The following NQO1 variants were observed in gnomAD, a reference collection of about 807,000 sequenced individuals.
NQO1 encodes NAD(P)H dehydrogenase [quinone] 1.
In NQO1, 30 loss-of-function variants were observed where a neutral mutation model predicts 32.1. That is an observed-to-expected ratio of 0.94 (90% CI 0.70 to 1.27). NQO1 has a LOEUF of 1.27. Ranked by LOEUF, NQO1 falls within the 50% of genes most tolerant of loss-of-function variation. NQO1 has a pLI of 0.00. For synonymous variants in NQO1, 109 were observed against 119.7 expected (o/e 0.91, Z 0.59); for missense variants, 276 against 331.3 (o/e 0.83, Z 1.30).
intron 5 of NQO1, 59 bp downstream of exon 5, chr16:69,712,969 G>T: frequency 7.1e-7 from 1 of 1,400,060 alleles, no homozygotes; most frequent in Non-Finnish European, 1.0e-6. Context: ...CTCCAGCCTA[G>T]ATGACAGAGT....
intron 1 of NQO1, among the ~76,000 whole-genome samples, chr16:69,720,919 T>G (rs2038180655): frequency 6.6e-6 from 1 of 152,180 alleles, no homozygotes; most frequent in South Asian, 2.1e-4. Flanking sequence ...CTCGATCTGT[T>G]GCCCAGGCTG....
Position 69,709,858 on chromosome 16 carries a change from G to A in NQO1, c.*1118C>T, listed in dbSNP as rs1291998796. The A allele has an allele frequency of 1.2e-4, 48 of 398,474 alleles. No homozygotes were observed. Among genetic ancestry groups the A allele is most frequent in the Middle Eastern group, 6.2e-4 (1 of 1,610 alleles). 24.7% of individuals were successfully genotyped at this position (398,474 alleles called of 1,614,324 possible). ...TCATGGGACTGGACCCCATCCCATA[G>A]TAAGTCATCAGTTTAGCAATGATAA... On this transcript the variant is annotated 3_prime_UTR_variant, in exon 6 of 6. Coordinates refer to ENST00000320623, the MANE Select transcript of NQO1 (RefSeq NM_000903.3).
At chr16:69,716,497 C>CAAAT (rs1296753004) in intron 3 of NQO1, among the ~76,000 whole-genome samples, 5 of 151,122 alleles carry the variant, frequency 3.3e-5, no homozygotes, top group Admixed American at 6.6e-5. Context: ...ATCTCAAAAA[C>CAAAT]AAATAAATAA....
At chr16:69,719,933 T>C (rs2151746012) in intron 1 of NQO1, among the ~76,000 whole-genome samples, 1 of 152,106 alleles carries the variant, frequency 6.6e-6, no homozygotes, top group East Asian at 1.9e-4. Context: ...GGCAGCATAG[T>C]GACACCTTGT....
intron 1 of NQO1, among the ~76,000 whole-genome samples, chr16:69,723,743 A>G (rs1171660146): frequency 2.0e-5 from 3 of 152,106 alleles, no homozygotes; most frequent in Non-Finnish European, 2.9e-5. Flanking sequence ...CGGAGGTTGC[A>G]ATGAGCCGAG....
intron 4 of NQO1, among the ~76,000 whole-genome samples, chr16:69,713,719 T>C (rs886097336): frequency 2.1e-4 from 32 of 151,958 alleles, no homozygotes; most frequent in Admixed American, 9.8e-4. Context: ...ATTTTTTTTT[T>C]CCTGTGAGAC....
chr16:69,723,348 C>G (rs1356711015), intron 1 of NQO1, among the ~76,000 whole-genome samples: 3 of 152,150 alleles, frequency 2.0e-5, no homozygotes, highest in Non-Finnish European at 4.4e-5. Flanking sequence ...TCAAGGAGCT[C>G]AGACTCTAAT....
chr16:69,720,577 C>T (rs1342890272), intron 1 of NQO1, among the ~76,000 whole-genome samples: 2 of 151,366 alleles, frequency 1.3e-5, no homozygotes, highest in African/African-American at 2.4e-5. Flanking sequence ...GTTGCCCAGG[C>T]TGGAGTGCAG....
rs750343810 is a variant in NQO1 at position 69,711,225 on chromosome 16, G to A, written c.576C>T (p.Ser192=). 13 of 1,613,620 alleles carry A rather than the reference G, an allele frequency of 8.1e-6. No individual in the cohort carries two copies. The highest frequency in any genetic ancestry group is 1.0e-5 in the Non-Finnish European group (12 of 1,179,666). Reference sequence around the variant, plus strand: ...GGGCGTCTGCTGGAGTGTGCCCAATGCTATATGTCAGTTGAGGTTCTAAGA... The same window carrying A: ...GGGCGTCTGCTGGAGTGTGCCCAATACTATATGTCAGTTGAGGTTCTAAGA... ...FQVLEPQLTY[S]IGHTPADARI... is the part of the protein sequence containing the mutation. The change falls in exon 6 of 6, where the codon AGC becomes AGT. Residue 192 remains serine (S), a synonymous_variant. Transcript: ENST00000320623.
intron 3 of NQO1, among the ~76,000 whole-genome samples, chr16:69,717,171 A>G (rs986433269): frequency 6.6e-6 from 1 of 152,118 alleles, no homozygotes; most frequent in Non-Finnish European, 1.5e-5. Context: ...TCTATGTTCA[A>G]TATCAAAAGA....
At chr16:69,726,391 C>T (rs751443800) in intron 1 of NQO1, 42 bp downstream of exon 1, 12 of 1,610,654 alleles carry the variant, frequency 7.5e-6, no homozygotes, top group South Asian at 1.1e-5. Flanking sequence ...CACCAGTGCT[C>T]GAGAGACGAC....
chr16:69,717,461 A>T (rs2038128625), intron 3 of NQO1, among the ~76,000 whole-genome samples: 1 of 152,116 alleles, frequency 6.6e-6, no homozygotes. Context: ...ATTTTGAGAG[A>T]GTCCAACAGG....
rs759100456 is a variant in NQO1 at position 69,718,433 on chromosome 16, C to A, written c.109G>T (p.Val37Leu). The A allele has an allele frequency of 1.2e-6, 2 of 1,614,174 alleles. No homozygotes were observed. Among genetic ancestry groups the A allele is most frequent in the Admixed American group, 3.3e-5 (2 of 60,016 alleles). ...AAALKKKGWE[V>L]VESDLYAMNF... ...ATGGCATAGAGGTCCGACTCCACCA[C>A]CTCCCATCCTTTCTTCTTCAAAGCC... The change falls in exon 2 of 6, where the codon GTG (valine) becomes TTG (leucine). Residue 37 changes from valine (V) to leucine (L), a missense_variant. Transcript: ENST00000320623.
At chr16:69,714,804 A>T (rs1215262320) in intron 4 of NQO1, among the ~76,000 whole-genome samples, 160 bp downstream of exon 4, 1 of 151,906 alleles carries the variant, frequency 6.6e-6, no homozygotes, top group Non-Finnish European at 1.5e-5. Flanking sequence ...GCTTGAACTC[A>T]GGAGGTGGAG....
In NQO1 at chr16:69,709,936, G is replaced by A. The variant is rs945367868; in HGVS notation, c.*1040C>T. On this transcript the variant is annotated 3_prime_UTR_variant, in exon 6 of 6. Transcript: ENST00000320623. ...AGATCAGAAATAAAGTATTTTTTGTGGAAGACTATTTTTAAGTATTGAAGG... is the reference window on the plus strand; with the variant it reads ...AGATCAGAAATAAAGTATTTTTTGTAGAAGACTATTTTTAAGTATTGAAGG... 3 of 397,278 alleles carry A rather than the reference G, an allele frequency of 7.6e-6. No homozygotes were observed. Among genetic ancestry groups the A allele is most frequent in the Non-Finnish European group, 1.3e-5 (3 of 225,520 alleles). 24.6% of individuals were successfully genotyped at this position (397,278 alleles called of 1,614,324 possible).
At chr16:69,722,180 G>A (rs1019851158) in intron 1 of NQO1, among the ~76,000 whole-genome samples, 3 of 138,624 alleles carry the variant, frequency 2.2e-5, no homozygotes, top group African/African-American at 2.6e-5. Context: ...GTGGGGGCGG[G>A]GGAGATGGAG....
At chr16:69,717,261 C>A (rs571043773) in intron 3 of NQO1, among the ~76,000 whole-genome samples, 4 of 152,286 alleles carry the variant, frequency 2.6e-5, no homozygotes, top group Admixed American at 6.5e-5. Flanking sequence ...CACGCACAAT[C>A]CCAGCATTGT....
intron 1 of NQO1, among the ~76,000 whole-genome samples, chr16:69,721,419 C>T (rs1219049152): frequency 6.6e-6 from 1 of 152,156 alleles, no homozygotes; most frequent in Non-Finnish European, 1.5e-5. Context: ...TATGTAAGGA[C>T]GCAGCATTCC....
chr16:69,716,152 C>A (rs927543981), intron 3 of NQO1, among the ~76,000 whole-genome samples: 2 of 150,474 alleles, frequency 1.3e-5, no homozygotes, highest in African/African-American at 4.9e-5. Flanking sequence ...GGTGACAGAG[C>A]AAGACTCCAT....
Sources: allele counts gnomAD v4.1 joint callset (sites outside exome capture counted in the v4.1 genomes callset), GRCh38; gene constraint gnomAD v4.1.1; transcripts MANE v1.5; gene names NCBI Gene and HGNC (gene_info 2026-07-23, HGNC 2026-07-21).